The following SEPTIN7 variants were observed in gnomAD, a reference collection of about 807,000 sequenced individuals.
SEPTIN7 encodes septin 7, also known as septin-7.
A neutral mutation model predicts 63.3 loss-of-function variants in SEPTIN7; 10 were observed. That is an observed-to-expected ratio of 0.16 (90% CI 0.10 to 0.27). The LOEUF (loss-of-function observed/expected upper bound fraction) is 0.27. SEPTIN7 is among the 10% of genes least tolerant of loss of function. The pLI is 1.00. For missense variants in SEPTIN7, 310 were observed against 521.0 expected (o/e 0.59, Z 3.94); for synonymous variants, 131 against 165.3 (o/e 0.79, Z 1.59).
At chr7:35,801,621 C>T (rs1787982500) in intron 1 of SEPTIN7, among the ~76,000 whole-genome samples, 2 of 152,172 alleles carry the variant, frequency 1.3e-5, no homozygotes, top group African/African-American at 2.4e-5. Flanking sequence ...TTCGCCTTTC[C>T]TCAGTCTCCT....
intron 3 of SEPTIN7, among the ~76,000 whole-genome samples, chr7:35,841,353 A>G (rs1784399229): frequency 6.6e-6 from 1 of 152,246 alleles, no homozygotes; most frequent in East Asian, 1.9e-4. Context: ...TGTGATTTTA[A>G]AAATATAAGC....
intron 4 of SEPTIN7, among the ~76,000 whole-genome samples, chr7:35,867,565 G>A (rs1345751322): frequency 6.6e-6 from 1 of 151,272 alleles, no homozygotes; most frequent in East Asian, 1.9e-4. Context: ...GGCCAGGCTG[G>A]TCTCGAACTC....
intron 3 of SEPTIN7, among the ~76,000 whole-genome samples, chr7:35,843,413 T>C (rs1784507688): frequency 6.6e-6 from 1 of 152,192 alleles, no homozygotes. Context: ...CCACTGTGGA[T>C]TTCTCTCCAG....
In SEPTIN7 at chr7:35,818,288, A is replaced by G. The variant is rs191281304; in HGVS notation, c.62-13204A>G. On this transcript the variant is annotated intron_variant, in intron 1 of 13. Transcript: ENST00000350320. The stretch of plus-strand genomic sequence containing the variant: ...TAGTGTATTACATTGATTAATTTTC[A>G]TATGTAAAACCAACATATTCATTCT... Among the ~76,000 whole-genome samples, 300 of 152,162 alleles carry G rather than the reference A, an allele frequency of 2.0e-3. 3 individuals carry two copies. Among genetic ancestry groups the G allele is most frequent in the South Asian group, 0.019 (90 of 4,828 alleles).
At chr7:35,838,672 G>T (rs1368559245) in intron 3 of SEPTIN7, 2 of 151,926 alleles carry the variant, frequency 1.3e-5, no homozygotes, top group African/African-American at 4.8e-5. Flanking sequence ...GAGCCATTAT[G>T]CCCGACCTCA....
intron 1 of SEPTIN7, among the ~76,000 whole-genome samples, chr7:35,807,210 G>GT: frequency 6.6e-6 from 1 of 150,714 alleles, no homozygotes; most frequent in Middle Eastern, 3.4e-3. Context: ...TTGAAACGGA[G>GT]TTTCGCTCTT....
intron 1 of SEPTIN7, among the ~76,000 whole-genome samples, chr7:35,808,988 A>G (rs567956225): frequency 6.6e-6 from 1 of 152,332 alleles, no homozygotes; most frequent in South Asian, 2.1e-4. Context: ...GGAGACTACC[A>G]CTTAAAAGTT....
intron 3 of SEPTIN7, among the ~76,000 whole-genome samples, chr7:35,847,698 T>C (rs533158413): frequency 1.3e-5 from 2 of 152,350 alleles, no homozygotes; most frequent in South Asian, 4.1e-4. Flanking sequence ...TTCTTGTGAA[T>C]GTTGTAACTT....
At chr7:35,840,908 C>G (rs1277659776) in intron 3 of SEPTIN7, among the ~76,000 whole-genome samples, 1 of 152,182 alleles carries the variant, frequency 6.6e-6, no homozygotes, top group Non-Finnish European at 1.5e-5. Context: ...TAATCATTTA[C>G]TAATTCTTGA....
intron 4 of SEPTIN7, among the ~76,000 whole-genome samples, chr7:35,872,224 G>T (rs896727843): frequency 6.6e-6 from 1 of 152,080 alleles, no homozygotes; most frequent in Non-Finnish European, 1.5e-5. Flanking sequence ...GAATAGTCCA[G>T]GAAGACATTT....
In SEPTIN7 at chr7:35,882,468, A is replaced by T; in HGVS notation, c.631-16A>T. 6.9e-7 allele frequency: 1 copy of T among 1,442,796 alleles called. No individual in the cohort carries two copies. The highest frequency in any genetic ancestry group is 2.7e-5 in the East Asian group (1 of 37,718). 89.4% of individuals were successfully genotyped at this position (1,442,796 alleles called of 1,614,324 possible). On this transcript the variant is annotated splice_polypyrimidine_tract_variant and intron_variant, in intron 7 of 13. Transcript: ENST00000350320. ...TATGTATGGTGCTCTTTTGCTGACT[A>T]CTTCTTCCATTTTAGATAATGAAAG...
chr7:35,891,500 T>A (rs1235894214), intron 11 of SEPTIN7, among the ~76,000 whole-genome samples: 1 of 152,198 alleles, frequency 6.6e-6, no homozygotes, highest in Non-Finnish European at 1.5e-5. Flanking sequence ...TGTAACATAA[T>A]GTCAAGTATT....
intron 4 of SEPTIN7, among the ~76,000 whole-genome samples, chr7:35,868,650 G>C (rs1562562432): frequency 6.6e-6 from 1 of 152,020 alleles, no homozygotes; most frequent in African/African-American, 2.4e-5. Flanking sequence ...TGAGTATAGA[G>C]GACTCAGAGA....
chr7:35,818,476 G>A (rs375903170), intron 1 of SEPTIN7, among the ~76,000 whole-genome samples: 1 of 152,026 alleles, frequency 6.6e-6, no homozygotes, highest in African/African-American at 2.4e-5. Context: ...CTCATAAAAT[G>A]AGTTGGGAAG....
chr7:35,869,669 G>A (rs1243308627), intron 4 of SEPTIN7, among the ~76,000 whole-genome samples: 2 of 152,072 alleles, frequency 1.3e-5, no homozygotes, highest in Non-Finnish European at 2.9e-5. Context: ...TTTTTCCTCA[G>A]ATGGTAAAAC....
intron 1 of SEPTIN7, among the ~76,000 whole-genome samples, chr7:35,822,036 A>G (rs1364898773): frequency 2.6e-5 from 4 of 152,080 alleles, no homozygotes; most frequent in East Asian, 1.9e-4. Context: ...TGGCCTCCCA[A>G]AGTGCTGGGA....
chr7:35,801,631 T>C (rs1583469464), intron 1 of SEPTIN7, among the ~76,000 whole-genome samples: 1 of 152,134 alleles, frequency 6.6e-6, no homozygotes, highest in Admixed American at 6.5e-5. Flanking sequence ...CTCAGTCTCC[T>C]CCCGGGCCCG....
At chr7:35,847,970 C>T (rs534356652) in intron 3 of SEPTIN7, 2 of 152,288 alleles carry the variant, frequency 1.3e-5, no homozygotes, top group Non-Finnish European at 2.9e-5. Flanking sequence ...TAAATCAACA[C>T]CTTGCTTCCC....
chr7:35,880,207 T>A (rs1034343595), intron 7 of SEPTIN7, among the ~76,000 whole-genome samples: 1 of 130,966 alleles, frequency 7.6e-6, no homozygotes, highest in African/African-American at 2.9e-5. Context: ...TCTTTTCTTT[T>A]CTTTTTTTTT....
Sources: allele counts gnomAD v4.1 joint callset (sites outside exome capture counted in the v4.1 genomes callset), GRCh38; gene constraint gnomAD v4.1.1; transcripts MANE v1.5; gene names NCBI Gene and HGNC (gene_info 2026-07-23, HGNC 2026-07-21).